FMNL1: variants seen among roughly 807,000 people sequenced by gnomAD.
FMNL1 encodes formin-like protein 1.
In FMNL1, 43 loss-of-function variants were observed where a neutral mutation model predicts 121.3. The observed-to-expected ratio is 0.35, with a 90% CI of 0.28 to 0.46. The LOEUF (loss-of-function observed/expected upper bound fraction) is 0.46. FMNL1 is among the 20% of genes least tolerant of loss of function. FMNL1 has a pLI of 1.00. For synonymous variants in FMNL1, 613 were observed against 613.5 expected (o/e 1.00, Z 0.01); for missense variants, 1,191 against 1,482.4 (o/e 0.80, Z 3.23).
In FMNL1 at chr17:45,240,461, C is replaced by T. The variant is rs1471882126; in HGVS notation, c.1081-15C>T. On this transcript the variant is annotated splice_polypyrimidine_tract_variant and intron_variant, in intron 11 of 26. Coordinates refer to ENST00000331495, the MANE Select transcript of FMNL1 (RefSeq NM_005892.4). ...CACACCAGGCCTCACCCCACTCCTT[C>T]CATCTGGGGGACAGAGGCTTCGGCT... is the stretch of plus-strand genomic sequence containing the variant. 4 of 1,602,750 alleles carry T rather than the reference C, an allele frequency of 2.5e-6. No individual in the cohort carries two copies. The Admixed American group carries it at 5.1e-5, about 21-fold the overall frequency.
chr17:45,241,066 C>A lies in FMNL1; in HGVS notation c.1231-63C>A. ...TCCAGGCAGGCATGCCTGATGCCGC[C>A]CCCTCACCGGCGGTGCCAGTGCCGG... On this transcript the variant is annotated intron_variant, in intron 12 of 26. Coordinates refer to ENST00000331495, the MANE Select transcript of FMNL1 (RefSeq NM_005892.4). This position sits in a 1 kb window ranked among gnomAD's most constrained non-coding sequence, Gnocchi z 7.0. 2 of 1,594,616 alleles carry A rather than the reference C, an allele frequency of 1.3e-6. No individual in the cohort carries two copies. Among genetic ancestry groups the A allele is most frequent in the Admixed American group, 1.7e-5 (1 of 59,356 alleles).
intron 18 of FMNL1, 28 bp downstream of exon 18, chr17:45,244,053 G>C: frequency 6.3e-7 from 1 of 1,599,930 alleles, no homozygotes; most frequent in Non-Finnish European, 8.5e-7. Context: ...AGGGCGGTGT[G>C]ACTTGGGAGG....
rs141887433 is a variant in FMNL1, at chr17:45,245,261, G to A, written c.2737G>A (p.Asp913Asn). ...FLDKAGSVSL[D>N]SVLADVRSLQ... is the part of the protein sequence containing the mutation. ...CCCCATCCCTGGCCCAGTGTCCCTG[G>A]ACAGTGTCCTGGCGGACGTGCGCTC... is the stretch of plus-strand genomic sequence containing the variant. Residue 913 changes from aspartate (D) to asparagine (N), a missense_variant, in exon 22 of 27, where the codon GAC (aspartate) becomes AAC (asparagine). Asp to Asn is a conservative substitution (Grantham distance 23). Around this residue, in one of 4 missense-constraint regions of FMNL1, gnomAD observed 367 missense variants for 528.6 expected, o/e 0.69. Coordinates refer to ENST00000331495, the MANE Select transcript of FMNL1 (RefSeq NM_005892.4). 778 of 1,614,200 alleles carry A rather than the reference G, an allele frequency of 4.8e-4. No individual in the cohort carries two copies. Among genetic ancestry groups the A allele is most frequent in the Non-Finnish European group, 5.2e-4 (611 of 1,180,032 alleles).
intron 16 of FMNL1, among the ~76,000 whole-genome samples, chr17:45,242,744 C>T (rs977702367): frequency 6.6e-6 from 1 of 152,250 alleles, no homozygotes; most frequent in East Asian, 1.9e-4. Flanking sequence ...CCACAGGCAG[C>T]CAAGGCTTCA....
intron 11 of FMNL1, 82 bp downstream of exon 11, chr17:45,239,147 G>T: frequency 8.2e-7 from 1 of 1,215,704 alleles, no homozygotes; most frequent in South Asian, 1.2e-5. Context: ...GAGTGCTGGG[G>T]TCAGGTAGAC....
At chr17:45,230,737 C>T in intron 2 of FMNL1, 50 bp downstream of exon 2, 1 of 1,583,934 alleles carries the variant, frequency 6.3e-7, no homozygotes, top group African/African-American at 1.3e-5. Flanking sequence ...TGTCAGTACC[C>T]CACCCTGACC....
chr17:45,233,048 C>T lies in FMNL1; in HGVS notation c.328-176C>T. On this transcript the variant is annotated intron_variant, in intron 3 of 26. Transcript: ENST00000331495. This position sits in a 1 kb window ranked among gnomAD's most constrained non-coding sequence, Gnocchi z 4.1. The stretch of plus-strand genomic sequence containing the variant: ...TCTATGTATGGGGGAGCACATGTAG[C>T]CTGTGAGTTCTTATTCTGCTGGGCA... 1.4e-6 allele frequency: 1 copy of T among 696,600 alleles called. No individual in the cohort carries two copies. The highest frequency in any genetic ancestry group is 2.3e-4 in the Middle Eastern group (1 of 4,312). The allele number at this position is 696,600 out of a possible 1,614,324, so 43.2% of individuals were successfully genotyped here.
Position 45,245,121 on chromosome 17 carries a change from C to G in FMNL1, c.2728+13C>G. 6.2e-7 allele frequency: 1 copy of G among 1,613,626 alleles called. No homozygotes were observed. The highest frequency in any genetic ancestry group is 1.1e-5 in the South Asian group (1 of 91,064). Reference sequence around the variant, plus strand: ...AAGGCGGGCTCAGGTAGGAGACACACAGATCCTTGGGTGTGGGGAGGGGCC... The same window carrying G: ...AAGGCGGGCTCAGGTAGGAGACACAGAGATCCTTGGGTGTGGGGAGGGGCC... On this transcript the variant is annotated intron_variant, in intron 21 of 26. Transcript: ENST00000331495.
Position 45,222,329 on chromosome 17 carries a change from C to A in FMNL1, c.129+76C>A, listed in dbSNP as rs886364402. On this transcript the variant is annotated intron_variant, in intron 1 of 26. Coordinates refer to ENST00000331495, the MANE Select transcript of FMNL1 (RefSeq NM_005892.4). The stretch of plus-strand genomic sequence containing the variant: ...GCGGCAGGGGCTGGGCGCGCGTCCC[C>A]GCCCCCGGGGACTCAGGTGCCGCTT... 15 of 1,088,572 alleles carry A rather than the reference C, an allele frequency of 1.4e-5. No homozygotes were observed. In the Admixed American group the frequency reaches 7.0e-4, roughly 51 times the overall value. The allele number at this position is 1,088,572 out of a possible 1,614,324, so 67.4% of individuals were successfully genotyped here.
At chr17:45,226,379 G>A (rs1483712662) in intron 1 of FMNL1, among the ~76,000 whole-genome samples, 1 of 152,226 alleles carries the variant, frequency 6.6e-6, no homozygotes, top group Non-Finnish European at 1.5e-5. Context: ...GTGGGGCGCT[G>A]GGTGGCAGGA....
Position 45,245,710 on chromosome 17 carries a change from A to G in FMNL1, c.2971A>G (p.Ser991Gly), listed in dbSNP as rs201948794. 1.2e-6 allele frequency: 2 copies of G among 1,613,788 alleles called. No homozygotes were observed. The highest frequency in any genetic ancestry group is 1.7e-6 in the Non-Finnish European group (2 of 1,179,946). ...CCCAGGCCTGTTCTTCTCCCTCTTTAGCCGCTTCATTAAGGCCTACAAGGT... is the reference window on the plus strand; with the variant it reads ...CCCAGGCCTGTTCTTCTCCCTCTTTGGCCGCTTCATTAAGGCCTACAAGGT... Reference protein sequence around the residue: ...TSPGLFFSLFSRFIKAYKKAE... With the variant: ...TSPGLFFSLFGRFIKAYKKAE... The change falls in exon 23 of 27, where the codon AGC becomes GGC. Residue 991 changes from serine to glycine, a missense_variant. Physicochemically the swap from Ser to Gly is moderately conservative, Grantham distance 56. Coordinates refer to ENST00000331495, the MANE Select transcript of FMNL1 (RefSeq NM_005892.4).
intron 24 of FMNL1, 77 bp from the exon 25 acceptor site, chr17:45,246,133 G>C: frequency 6.4e-7 from 1 of 1,553,206 alleles, no homozygotes; most frequent in Non-Finnish European, 8.7e-7. Context: ...TGTCCTTGCT[G>C]TGGGGGACCA....
chr17:45,236,151 C>T lies in FMNL1; in HGVS notation c.630C>T (p.His210=). 6.2e-7 allele frequency: 1 copy of T among 1,612,714 alleles called. No individual in the cohort carries two copies. Among genetic ancestry groups the T allele is most frequent in the Non-Finnish European group, 8.5e-7 (1 of 1,179,962 alleles). The change falls in exon 7 of 27, where the codon CAC becomes CAT. Residue 210 remains histidine (H), a synonymous_variant. Transcript: ENST00000331495. ...RHLTIKLTPA[H]SRKALRNSRI... is the part of the protein sequence containing the mutation. The stretch of plus-strand genomic sequence containing the variant: ...CCCCGCCCAGGCTGACCCCAGCCCA[C>T]AGCAGGAAGGCCCTGCGGAATTCCC...
intron 5 of FMNL1, 70 bp from the exon 6 acceptor site, chr17:45,234,002 C>G: frequency 6.4e-7 from 1 of 1,573,210 alleles, no homozygotes; most frequent in East Asian, 2.3e-5. Context: ...TCTCTCCTTG[C>G]GTTTCCTCTG....
Position 45,233,983 on chromosome 17 carries a change from G to T in FMNL1, c.486-89G>T. The T allele has an allele frequency of 6.5e-7, 1 of 1,528,134 alleles. No individual in the cohort carries two copies. The highest frequency in any genetic ancestry group is 2.0e-5 in the Admixed American group (1 of 50,190). 94.7% of individuals were successfully genotyped at this position (1,528,134 alleles called of 1,614,324 possible). A position where few individuals can be genotyped will look rare whatever the true frequency, so the allele number is the denominator to read the frequency against. ...CTCCTCCTGCTCCTTAGTCTCACCT[G>T]CAGGTCTGTCTCTCCTTGCGTTTCC... is the stretch of plus-strand genomic sequence containing the variant. On this transcript the variant is annotated intron_variant, in intron 5 of 26. Coordinates refer to ENST00000331495, the MANE Select transcript of FMNL1 (RefSeq NM_005892.4). This position sits in a 1 kb window ranked among gnomAD's most constrained non-coding sequence, Gnocchi z 4.1.
At position 45,245,250 on chromosome 17, in the gene FMNL1, C is replaced by T; in HGVS notation, c.2729-3C>T. On this transcript the variant is annotated splice_region_variant and splice_polypyrimidine_tract_variant and intron_variant, in intron 21 of 26. Coordinates refer to ENST00000331495, the MANE Select transcript of FMNL1 (RefSeq NM_005892.4). ...ACCTGATACTGCCCCATCCCTGGCC[C>T]AGTGTCCCTGGACAGTGTCCTGGCG... 1 of 1,614,162 alleles carries T rather than the reference C, an allele frequency of 6.2e-7. No homozygotes were observed. Among genetic ancestry groups the T allele is most frequent in the Non-Finnish European group, 8.5e-7 (1 of 1,180,016 alleles).
rs61741233 is a variant in FMNL1 at position 45,233,861 on chromosome 17, C to T, written c.485+130C>T. On this transcript the variant is annotated intron_variant, in intron 5 of 26. Transcript: ENST00000331495. This position sits in a 1 kb window ranked among gnomAD's most constrained non-coding sequence, Gnocchi z 4.1. ...GCCTACCCTGGAACCCTCCACTTGG[C>T]CTTGAGCGATGCTCCTTCCAGAAGG... 5,938 of 1,371,930 alleles carry T rather than the reference C, an allele frequency of 4.3e-3. 190 individuals carry two copies. In the African/African-American group the frequency reaches 0.076, roughly 17 times the overall value. The allele number at this position is 1,371,930 out of a possible 1,614,324, so 85.0% of individuals were successfully genotyped here.
intron 3 of FMNL1, 39 bp downstream of exon 3, chr17:45,232,519 C>T (rs1215940792): frequency 6.9e-6 from 11 of 1,596,312 alleles, no homozygotes; most frequent in Non-Finnish European, 9.4e-6. Context: ...CTTTCCCCCA[C>T]ATTTTCCAAG....
chr17:45,241,311 C>T lies in FMNL1; in HGVS notation c.1333-71C>T, dbSNP rs2043686402. 9 of 1,602,300 alleles carry T rather than the reference C, an allele frequency of 5.6e-6. No individual in the cohort carries two copies. The highest frequency in any genetic ancestry group is 1.1e-5 in the South Asian group (1 of 90,142). ...CTAGGCTTGACATCTCCCTCCACCC[C>T]GGGAAGAAGATGGAGGCTTGGTGCC... On this transcript the variant is annotated intron_variant, in intron 13 of 26. Coordinates refer to ENST00000331495, the MANE Select transcript of FMNL1 (RefSeq NM_005892.4). This position sits in a 1 kb window ranked among gnomAD's most constrained non-coding sequence, Gnocchi z 7.0.
Sources: allele counts gnomAD v4.1 joint callset (sites outside exome capture counted in the v4.1 genomes callset), GRCh38; gene constraint gnomAD v4.1.1; regional missense constraint gnomAD v4.1.1; non-coding constraint Gnocchi (gnomAD v3.1); transcripts MANE v1.5; gene names NCBI Gene and HGNC (gene_info 2026-07-23, HGNC 2026-07-21).